The following TNNI3K variants were observed in gnomAD, a reference collection of about 807,000 sequenced individuals.
The protein encoded by TNNI3K is TNNI3 interacting kinase.
TNNI3K carries 140 observed loss-of-function variants against 114.5 expected under a neutral mutation model. The ratio of observed to expected loss-of-function variants is 1.22; its 90% confidence interval spans 1.07 to 1.41. TNNI3K has a LOEUF of 1.41. Among genes scored for constraint, TNNI3K ranks in the 40% most tolerant of loss-of-function variants. TNNI3K has a pLI of 0.00. For synonymous variants in TNNI3K, 347 were observed against 347.5 expected (o/e 1.00, Z 0.02); for missense variants, 1,125 against 1,007.6 (o/e 1.12, Z -1.58).
intron 5 of TNNI3K, among the ~76,000 whole-genome samples, chr1:74,305,119 T>C (rs1658541811): frequency 6.6e-6 from 1 of 152,034 alleles, no homozygotes; most frequent in Admixed American, 6.6e-5. Context: ...AAAAGAGGCA[T>C]AGGGAGAGGA....
intron 23 of TNNI3K, among the ~76,000 whole-genome samples, chr1:74,528,231 G>A (rs1300965478): frequency 6.6e-6 from 1 of 152,156 alleles, no homozygotes; most frequent in African/African-American, 2.4e-5. Context: ...TGGAGCATAA[G>A]GGTGGTGAAG....
chr1:74,312,113 T>C (rs933202735), intron 5 of TNNI3K, among the ~76,000 whole-genome samples: 1 of 152,354 alleles, frequency 6.6e-6, no homozygotes, highest in Non-Finnish European at 1.5e-5. Context: ...AAATCACTTA[T>C]GTTTATTCAT....
chr1:74,244,318 A>C (rs926415098), intron 2 of TNNI3K, among the ~76,000 whole-genome samples: 1 of 152,094 alleles, frequency 6.6e-6, no homozygotes, highest in African/African-American at 2.4e-5. Context: ...AGAGGAGAAC[A>C]AAAGCAACAA....
intron 5 of TNNI3K, among the ~76,000 whole-genome samples, chr1:74,281,151 G>T (rs1242260601): frequency 6.6e-6 from 1 of 152,082 alleles, no homozygotes; most frequent in Non-Finnish European, 1.5e-5. Flanking sequence ...AGAGCCCTCA[G>T]GCCTTGAATA....
chr1:74,471,295 C>T (rs910891291), intron 21 of TNNI3K: 1 of 400,504 alleles, frequency 2.5e-6, no homozygotes, highest in African/African-American at 2.1e-5. Flanking sequence ...ATAGTTGCTA[C>T]TCTCTGACTG....
At chr1:74,378,036 G>A (rs1662996037) in intron 17 of TNNI3K, among the ~76,000 whole-genome samples, 1 of 151,964 alleles carries the variant, frequency 6.6e-6, no homozygotes, top group African/African-American at 2.4e-5. Context: ...GTGAGTTCAG[G>A]GATGATTTTC....
At chr1:74,439,334 C>T in intron 19 of TNNI3K, 156 bp from the exon 20 acceptor site, 5 of 1,181,602 alleles carry the variant, frequency 4.2e-6, no homozygotes, top group Non-Finnish European at 5.7e-6. Context: ...ATGTTTATTG[C>T]ACACACTGAG....
chr1:74,416,805 A>G (rs1665138146), intron 17 of TNNI3K, among the ~76,000 whole-genome samples: 1 of 151,954 alleles, frequency 6.6e-6, no homozygotes. Context: ...CTTTTATACT[A>G]TGTTTTCTTC....
intron 5 of TNNI3K, among the ~76,000 whole-genome samples, chr1:74,315,879 G>A (rs1288709660): frequency 6.6e-6 from 1 of 152,098 alleles, no homozygotes; most frequent in Non-Finnish European, 1.5e-5. Flanking sequence ...ATAGACTAGG[G>A]AAACAGCAAA....
At chr1:74,330,352 A>G (rs749253891) in intron 5 of TNNI3K, among the ~76,000 whole-genome samples, 4 of 152,094 alleles carry the variant, frequency 2.6e-5, no homozygotes, top group Admixed American at 6.6e-5. Flanking sequence ...ATAACTCTAG[A>G]CACTTATCAG....
At chr1:74,317,090 A>G (rs1376482787) in intron 5 of TNNI3K, among the ~76,000 whole-genome samples, 11 of 152,184 alleles carry the variant, frequency 7.2e-5, no homozygotes, top group Admixed American at 7.2e-4. Context: ...TGGCTAAGAT[A>G]TAAGCTCAAC....
chr1:74,529,926 C>T (rs1168595427), intron 23 of TNNI3K, among the ~76,000 whole-genome samples: 1 of 152,088 alleles, frequency 6.6e-6, no homozygotes, highest in Non-Finnish European at 1.5e-5. Flanking sequence ...TAGAGCATGT[C>T]CTTTCTCCTG....
intron 23 of TNNI3K, among the ~76,000 whole-genome samples, chr1:74,497,316 T>A (rs72977487): frequency 0.028 from 4,257 of 152,054 alleles, 186 homozygotes; most frequent in African/African-American, 0.097. Context: ...TCACCCCAGG[T>A]CAAATACTCC....
At chr1:74,247,729 C>T (rs143435858) in intron 2 of TNNI3K, among the ~76,000 whole-genome samples, 4,441 of 152,148 alleles carry the variant, frequency 0.029, 201 homozygotes, top group African/African-American at 0.1. Context: ...TTGGTGCATC[C>T]ACAAACCCCA....
intron 21 of TNNI3K, among the ~76,000 whole-genome samples, chr1:74,464,214 GTCTGCTTTGTTC>G (rs112699619): frequency 5.9e-5 from 9 of 152,204 alleles, no homozygotes; most frequent in African/African-American, 2.2e-4. Flanking sequence ...GACGGGTTAT[GTCTGCTTTGTTC>G]TCAGAGTGTC....
chr1:74,256,957 A>G (rs1210122965), intron 4 of TNNI3K, among the ~76,000 whole-genome samples: 1 of 152,170 alleles, frequency 6.6e-6, no homozygotes, highest in East Asian at 1.9e-4. Context: ...CTGAGTTTTT[A>G]TATCTGTAAA....
chr1:74,247,601 T>G (rs1290926901), intron 2 of TNNI3K, among the ~76,000 whole-genome samples: 3 of 152,154 alleles, frequency 2.0e-5, no homozygotes. Flanking sequence ...GGGTACTGAT[T>G]GGTGCATTTA....
intron 20 of TNNI3K, among the ~76,000 whole-genome samples, chr1:74,453,692 G>T (rs746753798): frequency 5.3e-5 from 8 of 152,070 alleles, no homozygotes; most frequent in Non-Finnish European, 8.8e-5. Flanking sequence ...GTAATCTCAG[G>T]TTTAGGAAAA....
At chr1:74,264,370 G>C (rs769798462) in intron 4 of TNNI3K, among the ~76,000 whole-genome samples, 2 of 151,958 alleles carry the variant, frequency 1.3e-5, no homozygotes, top group Non-Finnish European at 2.9e-5. Context: ...GGCAGCTCTA[G>C]TCCATTAAAT....
Sources: allele counts gnomAD v4.1 joint callset (sites outside exome capture counted in the v4.1 genomes callset), GRCh38; gene constraint gnomAD v4.1.1; transcripts MANE v1.5; gene names NCBI Gene and HGNC (gene_info 2026-07-23, HGNC 2026-07-21).